Variants in NELL1 observed in about 807,000 individuals in gnomAD.
NELL1 encodes the protein protein kinase C-binding protein NELL1.
In NELL1, 76 loss-of-function variants were observed where a neutral mutation model predicts 107.4. The ratio of observed to expected loss-of-function variants is 0.71; its 90% confidence interval spans 0.59 to 0.86. The LOEUF (loss-of-function observed/expected upper bound fraction) is 0.86, where lower values mean the gene tolerates loss of function less well. NELL1 is among the 40% of genes least tolerant of loss of function. The pLI is 0.00. For synonymous variants in NELL1, 353 were observed against 341.2 expected (o/e 1.03, Z -0.38); for missense variants, 1,024 against 1,005.5 (o/e 1.02, Z -0.25).
intron 12 of NELL1, among the ~76,000 whole-genome samples, chr11:20,963,044 G>A (rs934825081): frequency 6.6e-5 from 10 of 152,104 alleles, no homozygotes; most frequent in Non-Finnish European, 7.4e-5. Context: ...TGCCTTTCTC[G>A]CATTCCTTCT....
At chr11:20,929,664 G>A (rs1395263714) in intron 9 of NELL1, among the ~76,000 whole-genome samples, 1 of 152,070 alleles carries the variant, frequency 6.6e-6, no homozygotes. Flanking sequence ...ACATTCTTCA[G>A]CAGAAGAAGT....
At chr11:21,570,304 G>A (rs956876245) in intron 17 of NELL1, among the ~76,000 whole-genome samples, 2 of 151,850 alleles carry the variant, frequency 1.3e-5, no homozygotes, top group East Asian at 2.0e-4. Context: ...CTGGGTCTAC[G>A]TTAATTTTCT....
At chr11:21,239,225 A>G in intron 14 of NELL1, among the ~76,000 whole-genome samples, 1 of 152,200 alleles carries the variant, frequency 6.6e-6, no homozygotes, top group Non-Finnish European at 1.5e-5. Context: ...AACATTATGT[A>G]TATAATACAC....
At chr11:21,315,024 T>A (rs1346842183) in intron 14 of NELL1, among the ~76,000 whole-genome samples, 1 of 151,978 alleles carries the variant, frequency 6.6e-6, no homozygotes, top group Admixed American at 6.6e-5. Context: ...ACCCAGATAA[T>A]TTTTGTATTT....
In NELL1 at chr11:20,762,643, C is replaced by T. The variant is rs546620851; in HGVS notation, c.185-21037C>T. Among the ~76,000 whole-genome samples, 58 of 152,224 alleles carry T rather than the reference C, an allele frequency of 3.8e-4. No homozygotes were observed. In the South Asian group the frequency reaches 0.012, roughly 30 times the overall value. On this transcript the variant is annotated intron_variant, in intron 2 of 19. Coordinates refer to ENST00000357134, the MANE Select transcript of NELL1 (RefSeq NM_006157.5). ...CATACCCACAGTGACAGACTCCATG[C>T]GTATGGTGAATAAGAGCGTAATTAA... is the stretch of plus-strand genomic sequence containing the variant.
intron 15 of NELL1, among the ~76,000 whole-genome samples, chr11:21,488,867 C>A (rs917273314): frequency 4.0e-5 from 6 of 151,450 alleles, no homozygotes; most frequent in African/African-American, 1.5e-4. Context: ...TAATGATGCA[C>A]CTTAAGGAAC....
chr11:21,545,985 T>C (rs1019471849), intron 16 of NELL1, among the ~76,000 whole-genome samples: 1 of 151,946 alleles, frequency 6.6e-6, no homozygotes. Flanking sequence ...ATTTTGAAAA[T>C]ACTGCCTTGG....
At chr11:21,141,566 A>T (rs1344571136) in intron 13 of NELL1, among the ~76,000 whole-genome samples, 1 of 152,148 alleles carries the variant, frequency 6.6e-6, no homozygotes, top group African/African-American at 2.4e-5. Flanking sequence ...ATTTTAAGTA[A>T]GAAATCTGAA....
chr11:21,021,869 C>A (rs1396105168), intron 12 of NELL1, among the ~76,000 whole-genome samples: 1 of 152,098 alleles, frequency 6.6e-6, no homozygotes, highest in Non-Finnish European at 1.5e-5. Context: ...ACTTTCTCTA[C>A]CATGTCTTCT....
At chr11:20,762,213 T>C (rs1013608271) in intron 2 of NELL1, among the ~76,000 whole-genome samples, 6 of 152,206 alleles carry the variant, frequency 3.9e-5, no homozygotes, top group East Asian at 3.8e-4. Context: ...GTAAACACGG[T>C]TCAGGTGTTG....
chr11:20,836,271 CAAAA>C (rs57421402), intron 3 of NELL1, among the ~76,000 whole-genome samples: 2 of 123,334 alleles, frequency 1.6e-5, no homozygotes, highest in African/African-American at 2.9e-5. Context: ...GGGTAAAATC[CAAAA>C]AAAAAAAAAA....
At chr11:21,418,016 A>C (rs556154953) in intron 15 of NELL1, among the ~76,000 whole-genome samples, 17 of 152,240 alleles carry the variant, frequency 1.1e-4, no homozygotes, top group Admixed American at 6.6e-4. Context: ...ACACTGGCTA[A>C]ATGAATCCTC....
intron 13 of NELL1, among the ~76,000 whole-genome samples, chr11:21,146,435 T>C (rs1855980420): frequency 6.6e-6 from 1 of 151,846 alleles, no homozygotes; most frequent in Non-Finnish European, 1.5e-5. Flanking sequence ...AGAGCCGGGG[T>C]CATGGAGCTG....
In NELL1 at chr11:21,070,269, G is replaced by A. The variant is rs1042392770; in HGVS notation, c.1301-43320G>A. Among the ~76,000 whole-genome samples the A allele has an allele frequency of 2.6e-5, 4 of 152,028 alleles. 1 individual carries two copies. Among genetic ancestry groups the A allele is most frequent in the Admixed American group, 2.6e-4 (4 of 15,262 alleles). The stretch of plus-strand genomic sequence containing the variant: ...CTATACATATCTTGTCTCCTTGGAG[G>A]TTTTCTCATTTAATAGAGGTAGAAA... On this transcript the variant is annotated intron_variant, in intron 12 of 19. Transcript: ENST00000357134.
intron 5 of NELL1, among the ~76,000 whole-genome samples, chr11:20,900,638 G>A (rs1849852186): frequency 6.6e-6 from 1 of 152,070 alleles, no homozygotes; most frequent in African/African-American, 2.4e-5. Context: ...ACCTTGATTT[G>A]CAGAGTAGAC....
At chr11:20,699,461 A>G (rs971970349) in intron 2 of NELL1, among the ~76,000 whole-genome samples, 4 of 150,118 alleles carry the variant, frequency 2.7e-5, no homozygotes, top group African/African-American at 9.8e-5. Context: ...CCTGGGTTCA[A>G]ACGACTCCTC....
intron 15 of NELL1, among the ~76,000 whole-genome samples, chr11:21,474,042 C>G (rs1854256142): frequency 6.6e-6 from 1 of 152,062 alleles, no homozygotes; most frequent in African/African-American, 2.4e-5. Flanking sequence ...AAACTGTCTT[C>G]TGGTTTATCA....
chr11:21,186,134 C>T (rs908999358), intron 13 of NELL1, among the ~76,000 whole-genome samples: 9 of 151,842 alleles, frequency 5.9e-5, no homozygotes, highest in African/African-American at 1.9e-4. Flanking sequence ...GTCTGATTCA[C>T]TGAGCTTAGG....
chr11:21,556,960 GT>G (rs756465873), intron 16 of NELL1, among the ~76,000 whole-genome samples: 3 of 151,868 alleles, frequency 2.0e-5, no homozygotes, highest in Non-Finnish European at 2.9e-5. Context: ...GATGATTTGG[GT>G]AAGTCTCACG....
Sources: gnomAD v4.1 joint callset for allele counts (sites outside exome capture counted in the v4.1 genomes callset) on GRCh38, gnomAD v4.1.1 for gene constraint, MANE v1.5 for transcripts, NCBI Gene and HGNC (gene_info 2026-07-23, HGNC 2026-07-21) for gene names.